The following MCUB variants were observed in gnomAD, a reference collection of about 807,000 sequenced individuals.
MCUB encodes the protein mitochondrial calcium uniporter dominant negative subunit beta, also known as calcium uniporter regulatory subunit MCUb, mitochondrial.
Under a neutral mutation model 41.4 loss-of-function variants are expected in MCUB, and 46 were observed. The ratio of observed to expected loss-of-function variants is 1.11; its 90% CI spans 0.88 to 1.42. MCUB has a LOEUF of 1.42. Among genes scored for constraint, MCUB ranks in the 40% most tolerant of loss-of-function variants. The probability of loss-of-function intolerance (pLI) is 0.00; values close to 1 mark genes in which losing one functional copy is unlikely to be tolerated. For missense variants in MCUB, 403 were observed against 404.9 expected, an observed-to-expected ratio of 1.00 and a Z score of 0.04; for synonymous variants, 148 against 148.2, an observed-to-expected ratio of 1.00 and a Z score of 0.01.
At chr4:109,585,671 T>C (rs952441059) in intron 1 of MCUB, among the ~76,000 whole-genome samples, 1 of 152,234 alleles carries the variant, frequency 6.6e-6, no homozygotes, top group African/African-American at 2.4e-5. Context: ...CAGCATTTGC[T>C]TGTGTGTAAA....
chr4:109,678,020 T>C (rs1729612506), intron 4 of MCUB, among the ~76,000 whole-genome samples: 1 of 151,978 alleles, frequency 6.6e-6, no homozygotes, highest in Admixed American at 6.6e-5. Flanking sequence ...GTGATGACTC[T>C]TAACGAGTAT....
At chr4:109,618,827 CT>C (rs1278611470) in intron 1 of MCUB, among the ~76,000 whole-genome samples, 3 of 152,116 alleles carry the variant, frequency 2.0e-5, no homozygotes, top group Non-Finnish European at 2.9e-5. Flanking sequence ...TTGCTTATGA[CT>C]TACATTCAAT....
chr4:109,655,181 G>T (rs559391943), intron 1 of MCUB, among the ~76,000 whole-genome samples: 1 of 152,342 alleles, frequency 6.6e-6, no homozygotes, highest in Middle Eastern at 3.4e-3. Flanking sequence ...GTTGGATTAA[G>T]AGATACATAA....
chr4:109,661,514 G>A (rs943521345), intron 3 of MCUB, among the ~76,000 whole-genome samples: 2 of 152,076 alleles, frequency 1.3e-5, no homozygotes, highest in African/African-American at 2.4e-5. Flanking sequence ...TGTTCTATAC[G>A]CTAGAGGTAG....
At chr4:109,639,165 A>G (rs928540777) in intron 1 of MCUB, among the ~76,000 whole-genome samples, 1 of 152,182 alleles carries the variant, frequency 6.6e-6, no homozygotes, top group African/African-American at 2.4e-5. Context: ...ATCACTATCT[A>G]TGGCAGTTAT....
At chr4:109,657,765 A>G (rs1729137528) in intron 1 of MCUB, among the ~76,000 whole-genome samples, 1 of 152,258 alleles carries the variant, frequency 6.6e-6, no homozygotes, top group Non-Finnish European at 1.5e-5. Flanking sequence ...GCAATTGTGT[A>G]AACACAAACA....
intron 1 of MCUB, among the ~76,000 whole-genome samples, chr4:109,591,315 A>G (rs766519471): frequency 2.0e-4 from 30 of 152,036 alleles, no homozygotes; most frequent in Non-Finnish European, 3.5e-4. Context: ...CCTCCCGAGT[A>G]GCTGGGACTA....
At chr4:109,653,704 G>A (rs1325936261) in intron 1 of MCUB, among the ~76,000 whole-genome samples, 1 of 152,162 alleles carries the variant, frequency 6.6e-6, no homozygotes, top group African/African-American at 2.4e-5. Context: ...AGCCACCTGA[G>A]TAGCTGGGAC....
chr4:109,577,059 C>T (rs571424342), intron 1 of MCUB, among the ~76,000 whole-genome samples: 2 of 152,134 alleles, frequency 1.3e-5, no homozygotes, highest in Non-Finnish European at 2.9e-5. Context: ...GCCATGTGGG[C>T]CAGGCTGGTC....
At chr4:109,670,667 G>GATC (rs1187972043) in intron 4 of MCUB, among the ~76,000 whole-genome samples, 2 of 151,390 alleles carry the variant, frequency 1.3e-5, no homozygotes, top group Non-Finnish European at 2.9e-5. Context: ...AGTGAGCCAA[G>GATC]ATCATGTCAT....
At chr4:109,612,698 G>A (rs1728038882) in intron 1 of MCUB, among the ~76,000 whole-genome samples, 1 of 152,156 alleles carries the variant, frequency 6.6e-6, no homozygotes, top group Non-Finnish European at 1.5e-5. Context: ...CATATAAATG[G>A]GGGAGAGGGG....
intron 1 of MCUB, among the ~76,000 whole-genome samples, chr4:109,635,561 T>A (rs1198996146): frequency 6.6e-6 from 1 of 152,142 alleles, no homozygotes; most frequent in Non-Finnish European, 1.5e-5. Context: ...GTCAAACCAA[T>A]CCCCTGTGCC....
intron 4 of MCUB, among the ~76,000 whole-genome samples, chr4:109,673,154 C>T (rs1369337001): frequency 1.3e-5 from 2 of 152,112 alleles, no homozygotes; most frequent in Admixed American, 1.3e-4. Flanking sequence ...AAGAGGAAAT[C>T]CCTGTTAAGA....
chr4:109,681,440 G>T (rs1224506504), intron 4 of MCUB: 1 of 453,372 alleles, frequency 2.2e-6, no homozygotes, highest in Admixed American at 2.4e-5. Flanking sequence ...GGTAGAGAGT[G>T]TTACCGGGGG....
At chr4:109,658,182 C>T (rs1163919896) in intron 1 of MCUB, among the ~76,000 whole-genome samples, 4 of 152,154 alleles carry the variant, frequency 2.6e-5, no homozygotes, top group African/African-American at 4.8e-5. Context: ...TCTACCATAT[C>T]GGACAGCACA....
chr4:109,650,807 C>T (rs1728944830), intron 1 of MCUB, among the ~76,000 whole-genome samples: 1 of 152,192 alleles, frequency 6.6e-6, no homozygotes, highest in African/African-American at 2.4e-5. Context: ...CATGTCTCCT[C>T]CACTCTGGAT....
intron 1 of MCUB, among the ~76,000 whole-genome samples, chr4:109,597,536 G>A (rs1579057138): frequency 2.3e-5 from 3 of 129,058 alleles, no homozygotes; most frequent in Admixed American, 7.5e-5. Flanking sequence ...CTCCCGGACG[G>A]GGCGGCTGGC....
At chr4:109,652,173 T>C (rs2126142748) in intron 1 of MCUB, among the ~76,000 whole-genome samples, 1 of 152,336 alleles carries the variant, frequency 6.6e-6, no homozygotes, top group South Asian at 2.1e-4. Flanking sequence ...TTAGGGCCTA[T>C]ACTAATGACC....
In MCUB at chr4:109,597,736, AC is replaced by A. The variant is rs546760322; in HGVS notation, c.99+37307del. On this transcript the variant is annotated intron_variant, in intron 1 of 7. Coordinates refer to ENST00000394650, the MANE Select transcript of MCUB (RefSeq NM_017918.5). ...GGGCGGCTGGCCGGGCGGGGGGCTG[AC>A]CCCCCCACCTCCCTCCCGGACGGGG... Among the ~76,000 whole-genome samples the A allele has an allele frequency of 1.0e-4, 13 of 124,432 alleles. No homozygotes were observed. The East Asian group carries it at 1.7e-3, about 16-fold the overall frequency. 81.6% of individuals were successfully genotyped at this position (124,432 alleles called of 152,430 possible).
Sources: gnomAD v4.1 joint callset for allele counts (sites outside exome capture counted in the v4.1 genomes callset) on GRCh38, gnomAD v4.1.1 for gene constraint, MANE v1.5 for transcripts, NCBI Gene and HGNC (gene_info 2026-07-23, HGNC 2026-07-21) for gene names.